RAPGEF4: variants seen among roughly 807,000 people sequenced by gnomAD.
RAPGEF4 encodes Rap guanine nucleotide exchange factor 4, also known as RAP guanine-nucleotide-exchange factor (GEF) 4.
In RAPGEF4, 66 loss-of-function variants were observed where a neutral mutation model predicts 147.9. The ratio of observed to expected loss-of-function variants is 0.45; its 90% CI spans 0.37 to 0.55. RAPGEF4 has a LOEUF of 0.55. Among genes scored for constraint, RAPGEF4 ranks in the 20% least tolerant of loss-of-function variants. The probability of loss-of-function intolerance (pLI) is 0.00; values close to 1 mark genes in which losing one functional copy is unlikely to be tolerated. For missense variants in RAPGEF4, 1,071 were observed against 1,257.3 expected (o/e 0.85, Z 2.24); for synonymous variants, 419 against 442.7 (o/e 0.95, Z 0.67).
At chr2:172,951,851 A>G (rs1266914601) in intron 6 of RAPGEF4, among the ~76,000 whole-genome samples, 5 of 152,130 alleles carry the variant, frequency 3.3e-5, no homozygotes, top group Admixed American at 3.3e-4. Flanking sequence ...TTTTTATAGG[A>G]TCATGCGGCT....
At chr2:172,954,016 G>A (rs1688481594) in intron 6 of RAPGEF4, among the ~76,000 whole-genome samples, 1 of 152,134 alleles carries the variant, frequency 6.6e-6, no homozygotes, top group Non-Finnish European at 1.5e-5. Flanking sequence ...TGCTCTGGGT[G>A]TATTTCACAA....
intron 6 of RAPGEF4, among the ~76,000 whole-genome samples, chr2:172,952,258 G>A (rs1015976910): frequency 1.3e-5 from 2 of 152,116 alleles, no homozygotes; most frequent in South Asian, 4.1e-4. Flanking sequence ...CATGAAAGTT[G>A]TAAGAATTGA....
intron 4 of RAPGEF4, among the ~76,000 whole-genome samples, chr2:172,852,922 G>T (rs373294814): frequency 6.6e-6 from 1 of 151,758 alleles, no homozygotes; most frequent in Non-Finnish European, 1.5e-5. Flanking sequence ...GCATTACATG[G>T]GTTGATTTTT....
intron 4 of RAPGEF4, among the ~76,000 whole-genome samples, chr2:172,835,933 G>A (rs1690875748): frequency 6.6e-6 from 1 of 152,130 alleles, no homozygotes; most frequent in South Asian, 2.1e-4. Flanking sequence ...GTCTAGGGCT[G>A]GAAAGAGGGT....
chr2:172,937,367 G>C (rs1366494023), intron 6 of RAPGEF4, among the ~76,000 whole-genome samples: 1 of 152,110 alleles, frequency 6.6e-6, no homozygotes, highest in Non-Finnish European at 1.5e-5. Context: ...CCATTTCTCA[G>C]ACTTTCCTTG....
At chr2:172,908,753 G>A (rs1337470351) in intron 4 of RAPGEF4, among the ~76,000 whole-genome samples, 2 of 152,140 alleles carry the variant, frequency 1.3e-5, no homozygotes, top group Non-Finnish European at 2.9e-5. Context: ...CTTGTGTGGT[G>A]TGCCCTCGGC....
intron 4 of RAPGEF4, among the ~76,000 whole-genome samples, chr2:172,904,749 C>T (rs762970729): frequency 2.0e-5 from 3 of 151,954 alleles, no homozygotes; most frequent in Non-Finnish European, 4.4e-5. Flanking sequence ...TCTTTCCTCC[C>T]TCTTTTCCCC....
intron 3 of RAPGEF4, among the ~76,000 whole-genome samples, chr2:172,802,541 A>G (rs1687085309): frequency 6.6e-6 from 1 of 152,202 alleles, no homozygotes; most frequent in South Asian, 2.1e-4. Context: ...AACACATGGG[A>G]ATTGTGGGAG....
intron 25 of RAPGEF4, 27 bp downstream of exon 25, chr2:173,027,286 A>C (rs747816344): frequency 3.9e-6 from 6 of 1,525,820 alleles, no homozygotes; most frequent in Non-Finnish European, 5.3e-6. Context: ...TGGAAAGAGA[A>C]AAAAAAATGT....
chr2:172,925,618 G>A (rs1685213235), intron 6 of RAPGEF4, among the ~76,000 whole-genome samples: 1 of 146,628 alleles, frequency 6.8e-6, no homozygotes, highest in African/African-American at 2.6e-5. Flanking sequence ...ACACACACAC[G>A]CTGAATGTGG....
At chr2:172,971,224 A>G (rs1298080193) in intron 10 of RAPGEF4, among the ~76,000 whole-genome samples, 2 of 152,228 alleles carry the variant, frequency 1.3e-5, no homozygotes, top group Non-Finnish European at 2.9e-5. Flanking sequence ...AGAGGCTTCA[A>G]GGAGACAGGA....
chr2:172,988,039 A>G (rs766804487), intron 12 of RAPGEF4, among the ~76,000 whole-genome samples, 157 bp from the exon 13 acceptor site: 3 of 152,242 alleles, frequency 2.0e-5, no homozygotes, highest in Non-Finnish European at 4.4e-5. Flanking sequence ...AAAAGGAGAT[A>G]ATGTGCCACC....
intron 3 of RAPGEF4, among the ~76,000 whole-genome samples, chr2:172,808,957 T>A (rs1014862749): frequency 6.6e-6 from 1 of 152,196 alleles, no homozygotes; most frequent in African/African-American, 2.4e-5. Flanking sequence ...TTTATTAACT[T>A]ACCTAATGCC....
At chr2:172,857,218 C>T (rs568574008) in intron 4 of RAPGEF4, among the ~76,000 whole-genome samples, 1 of 151,934 alleles carries the variant, frequency 6.6e-6, no homozygotes, top group East Asian at 1.9e-4. Context: ...AGTCTTAGTA[C>T]TTTGCCCAAG....
At chr2:172,809,953 G>T (rs750237241) in intron 3 of RAPGEF4, among the ~76,000 whole-genome samples, 27 of 152,210 alleles carry the variant, frequency 1.8e-4, no homozygotes, top group Admixed American at 7.2e-4. Flanking sequence ...AAGATTAGAA[G>T]AGGAGCAATG....
chr2:172,927,863 G>T lies in RAPGEF4; in HGVS notation c.537+5563G>T, dbSNP rs201615857. Among the ~76,000 whole-genome samples the T allele has an allele frequency of 5.3e-5, 8 of 152,164 alleles. No homozygotes were observed. The East Asian group carries it at 1.5e-3, about 29-fold the overall frequency. On this transcript the variant is annotated intron_variant, in intron 6 of 30. Transcript: ENST00000397081. The stretch of plus-strand genomic sequence containing the variant: ...GTCCCTCTGCTCTAGGGTACCAGTG[G>T]CCTCACTAGTGCCATTACCGTTCTG...
At chr2:172,776,271 C>G (rs1684152055) in intron 1 of RAPGEF4, among the ~76,000 whole-genome samples, 1 of 151,984 alleles carries the variant, frequency 6.6e-6, no homozygotes, top group African/African-American at 2.4e-5. Flanking sequence ...AGTGGTAGTG[C>G]TAAACACAAG....
chr2:172,740,602 A>T (rs1037549270), intron 1 of RAPGEF4, among the ~76,000 whole-genome samples: 1 of 152,226 alleles, frequency 6.6e-6, no homozygotes, highest in Non-Finnish European at 1.5e-5. Context: ...GTGAGAGAAG[A>T]TAACTCAGAT....
At chr2:173,048,707 T>C (rs1444875621) in intron 30 of RAPGEF4, 53 bp downstream of exon 30, 25 of 1,612,812 alleles carry the variant, frequency 1.6e-5, no homozygotes, top group Non-Finnish European at 2.0e-5. Flanking sequence ...ATTAAGGTCT[T>C]CTTAATGAGG....
Sources: gnomAD v4.1 joint callset for allele counts (sites outside exome capture counted in the v4.1 genomes callset) on GRCh38, gnomAD v4.1.1 for gene constraint, MANE v1.5 for transcripts, NCBI Gene and HGNC (gene_info 2026-07-23, HGNC 2026-07-21) for gene names.